HEATR1: variants seen among roughly 807,000 people sequenced by gnomAD.
HEATR1 encodes HEAT repeat-containing protein 1.
HEATR1 carries 77 observed loss-of-function variants against 248.2 expected under a neutral mutation model. The observed-to-expected ratio is 0.31, with a 90% confidence interval of 0.26 to 0.37. The LOEUF is 0.37. HEATR1 is among the 10% of genes least tolerant of loss of function. HEATR1 has a pLI of 1.00. For synonymous variants in HEATR1, 897 were observed against 923.1 expected, an observed-to-expected ratio of 0.97 and a Z score of 0.51; for missense variants, 2,420 against 2,504.9, an observed-to-expected ratio of 0.97 and a Z score of 0.72.
At chr1:236,586,510 A>G in intron 14 of HEATR1, 58 bp from the exon 15 acceptor site, 1 of 1,138,386 alleles carries the variant, frequency 8.8e-7, no homozygotes, top group Non-Finnish European at 1.3e-6. Flanking sequence ...TCAATTGGGC[A>G]AAAATTCATC....
At position 236,595,596 on chromosome 1, in the gene HEATR1, G is replaced by C. The variant is rs780347148; in HGVS notation, c.1034C>G (p.Pro345Arg). 9.3e-5 allele frequency: 150 copies of C among 1,608,290 alleles called. No homozygotes were observed. Among genetic ancestry groups the C allele is most frequent in the Non-Finnish European group, 1.2e-4 (143 of 1,174,804 alleles). The change falls in exon 8 of 45, where the codon CCT becomes CGT. Residue 345 changes from proline (P) to arginine (R), a missense_variant. Coordinates refer to ENST00000366582, the MANE Select transcript of HEATR1 (RefSeq NM_018072.6). ...HGISETYDVSPLLHYMLPHLV... is the reference protein window; with the variant it reads ...HGISETYDVSRLLHYMLPHLV... ...ATGGGGAAGCATGTAATGCAGAAGA[G>C]GACTGACATCGTAAGTTTCAGAAAT...
At chr1:236,600,118 A>AC (rs1664278590) in intron 3 of HEATR1, among the ~76,000 whole-genome samples, 1 of 50,286 alleles carries the variant, frequency 2.0e-5, no homozygotes, top group Non-Finnish European at 3.4e-5. Context: ...GTCTGTCAAC[A>AC]TTTTTTTTTT....
chr1:236,556,365 A>T, intron 37 of HEATR1, 107 bp from the exon 38 acceptor site: 1 of 1,173,478 alleles, frequency 8.5e-7, no homozygotes, highest in South Asian at 1.4e-5. Flanking sequence ...GAAAATGCTT[A>T]GCACTTTTTA....
intron 17 of HEATR1, among the ~76,000 whole-genome samples, chr1:236,583,709 A>T (rs1663814778): frequency 6.6e-6 from 1 of 151,784 alleles, no homozygotes; most frequent in Non-Finnish European, 1.5e-5. Flanking sequence ...TTGGTCTCGA[A>T]CTCCTGTCCT....
At chr1:236,563,236 T>A (rs532684797) in intron 32 of HEATR1, among the ~76,000 whole-genome samples, 1 of 152,310 alleles carries the variant, frequency 6.6e-6, no homozygotes, top group South Asian at 2.1e-4. Flanking sequence ...CCAAAGTAAT[T>A]CCCATCTATC....
intron 42 of HEATR1, 79 bp downstream of exon 42, chr1:236,554,519 C>T: frequency 7.9e-7 from 1 of 1,261,998 alleles, no homozygotes; most frequent in Non-Finnish European, 1.1e-6. Flanking sequence ...AGCAAGCTGT[C>T]ATTTGAGCAG....
At chr1:236,601,034 T>A (rs915848893) in intron 3 of HEATR1, among the ~76,000 whole-genome samples, 5 of 152,166 alleles carry the variant, frequency 3.3e-5, no homozygotes, top group Non-Finnish European at 5.9e-5. Context: ...AGACATAAAA[T>A]GAAAAATCAA....
rs189825245 is a variant in HEATR1 at position 236,560,070 on chromosome 1, G to A, written c.4647-233C>T. 1.6e-3 allele frequency among the ~76,000 whole-genome samples: 200 copies of A among 121,344 alleles called. 1 individual carries two copies. Among genetic ancestry groups the A allele is most frequent in the Admixed American group, 5.9e-3 (72 of 12,150 alleles). The allele number at this position is 121,344 out of a possible 152,430, so 79.6% of individuals were successfully genotyped here. A position where few individuals can be genotyped will look rare whatever the true frequency, so the allele number is the denominator to read the frequency against. On this transcript the variant is annotated intron_variant, in intron 33 of 44. Coordinates refer to ENST00000366582, the MANE Select transcript of HEATR1 (RefSeq NM_018072.6). ...GAAGCATCGACCTCGCTCAGACTCT[G>A]TGAGGTGCTGAATAAGCAACAGATG...
intron 28 of HEATR1, among the ~76,000 whole-genome samples, chr1:236,569,753 C>T (rs983595242): frequency 6.6e-6 from 1 of 152,076 alleles, no homozygotes; most frequent in African/African-American, 2.4e-5. Context: ...CATAAAATTC[C>T]GTGTGACCCA....
At chr1:236,553,844 C>T in intron 42 of HEATR1, 105 bp from the exon 43 acceptor site, 2 of 1,256,028 alleles carry the variant, frequency 1.6e-6, no homozygotes, top group Non-Finnish European at 2.2e-6. Flanking sequence ...ATGATATTAG[C>T]AGGTTCAAAA....
At chr1:236,554,420 C>A (rs1022220434) in intron 42 of HEATR1, among the ~76,000 whole-genome samples, 178 bp downstream of exon 42, 1 of 152,092 alleles carries the variant, frequency 6.6e-6, no homozygotes, top group African/African-American at 2.4e-5. Context: ...TCAAATTCCA[C>A]AATGAAGTTA....
intron 19 of HEATR1, among the ~76,000 whole-genome samples, chr1:236,582,338 C>T (rs1663773262): frequency 6.6e-6 from 1 of 152,000 alleles, no homozygotes; most frequent in Admixed American, 6.6e-5. Context: ...GATCTCCTGA[C>T]CTCGTGATCC....
At chr1:236,595,345 T>G (rs1002756085) in intron 8 of HEATR1, among the ~76,000 whole-genome samples, 195 bp downstream of exon 8, 3 of 152,196 alleles carry the variant, frequency 2.0e-5, no homozygotes, top group Non-Finnish European at 4.4e-5. Flanking sequence ...AAGAAATTAC[T>G]CAATTAACAA....
chr1:236,586,193 T>G (rs766720573), intron 15 of HEATR1, 48 bp downstream of exon 15: 12 of 1,444,228 alleles, frequency 8.3e-6, no homozygotes, highest in South Asian at 2.6e-5. Flanking sequence ...CTTGTTTTCT[T>G]TTGTGTTATC....
chr1:236,564,076 C>G (rs1663207166), intron 32 of HEATR1, among the ~76,000 whole-genome samples: 1 of 152,168 alleles, frequency 6.6e-6, no homozygotes, highest in African/African-American at 2.4e-5. Context: ...CATGATTGCT[C>G]TACTGCACTT....
chr1:236,586,545 C>T (rs779774178), intron 14 of HEATR1, 93 bp from the exon 15 acceptor site: 38 of 786,390 alleles, frequency 4.8e-5, no homozygotes, highest in Non-Finnish European at 7.7e-5. Context: ...GCTTAACTGA[C>T]AATATCCTGG....
chr1:236,559,923 G>A (rs1468190971), intron 33 of HEATR1, 86 bp from the exon 34 acceptor site: 3 of 1,332,714 alleles, frequency 2.3e-6, no homozygotes, highest in Non-Finnish European at 2.0e-6. Flanking sequence ...AATGTTTCAA[G>A]TAGAAAGACG....
intron 32 of HEATR1, 59 bp downstream of exon 32, chr1:236,564,439 A>G: frequency 6.7e-7 from 1 of 1,490,892 alleles, no homozygotes; most frequent in Non-Finnish European, 9.2e-7. Context: ...ACTGGTTGAG[A>G]ACAGTTCCTT....
At position 236,593,998 on chromosome 1, in the gene HEATR1, AAAT is replaced by A; in HGVS notation, c.1193+11_1193+13del. On this transcript the variant is annotated intron_variant, in intron 9 of 44. Transcript: ENST00000366582. ...AAAATGTAAATCAAAAGCATGTCAA[AAAT>A]AATAGCTTACCTAGCCAACAAATGG... The A allele has an allele frequency of 1.3e-6, 2 of 1,534,972 alleles. No homozygotes were observed. The highest frequency in any genetic ancestry group is 1.8e-6 in the Non-Finnish European group (2 of 1,130,384).
Sources: allele counts gnomAD v4.1 joint callset (sites outside exome capture counted in the v4.1 genomes callset), GRCh38; gene constraint gnomAD v4.1.1; transcripts MANE v1.5; gene names NCBI Gene and HGNC (gene_info 2026-07-23, HGNC 2026-07-21).